The following NYAP2 variants were observed in gnomAD, a reference collection of about 807,000 sequenced individuals.
The protein encoded by NYAP2 is neuronal tyrosine-phosphorylated phosphoinositide-3-kinase adapter 2.
Under a neutral mutation model 50.4 loss-of-function variants are expected in NYAP2, and 23 were observed. The observed-to-expected ratio is 0.46, with a 90% confidence interval of 0.33 to 0.65. The LOEUF is 0.65. Among genes scored for constraint, NYAP2 ranks in the 30% least tolerant of loss-of-function variants. The pLI is 0.02. For missense variants in NYAP2, 885 were observed against 861.0 expected, an observed-to-expected ratio of 1.03 and a Z score of -0.35; for synonymous variants, 394 against 365.2, an observed-to-expected ratio of 1.08 and a Z score of -0.90.
chr2:225,544,543 T>C (rs190562507), intron 4 of NYAP2, among the ~76,000 whole-genome samples: 56 of 152,158 alleles, frequency 3.7e-4, no homozygotes, highest in African/African-American at 1.3e-3. Context: ...AAAGAAAACT[T>C]TCTGAAAAAG....
the NYAP2 span, among the ~76,000 whole-genome samples, chr2:225,670,437 T>G: frequency 6.6e-6 from 1 of 152,048 alleles, no homozygotes; most frequent in East Asian, 1.9e-4. Flanking sequence ...AAGGAAAGGA[T>G]TACTAAATGA....
intron 5 of NYAP2, among the ~76,000 whole-genome samples, chr2:225,612,189 T>C (rs1443013850): frequency 6.7e-6 from 1 of 150,150 alleles, no homozygotes; most frequent in African/African-American, 2.5e-5. Context: ...AGATGAGTTG[T>C]GTATAAGATG....
chr2:225,461,598 T>C (rs1450048198), intron 3 of NYAP2, among the ~76,000 whole-genome samples: 1 of 152,236 alleles, frequency 6.6e-6, no homozygotes, highest in Non-Finnish European at 1.5e-5. Context: ...TGTCCTACTT[T>C]TTGCTTCATA....
intron 5 of NYAP2, among the ~76,000 whole-genome samples, chr2:225,621,216 T>A (rs1199947197): frequency 6.6e-6 from 1 of 152,200 alleles, no homozygotes; most frequent in Non-Finnish European, 1.5e-5. Flanking sequence ...ACACTTTCTT[T>A]GAAGCTGTGA....
the NYAP2 span, among the ~76,000 whole-genome samples, chr2:225,677,205 CTAAGCTA>C: frequency 6.6e-6 from 1 of 151,704 alleles, no homozygotes; most frequent in Non-Finnish European, 1.5e-5. Flanking sequence ...TGACTTGGTT[CTAAGCTA>C]GAATATTATT....
At chr2:225,674,511 A>G in the NYAP2 span, among the ~76,000 whole-genome samples, 1 of 152,022 alleles carries the variant, frequency 6.6e-6, no homozygotes, top group Non-Finnish European at 1.5e-5. Context: ...TGAGGGGCAG[A>G]AGTGTGTTAA....
the NYAP2 span, among the ~76,000 whole-genome samples, chr2:225,665,461 T>C: frequency 6.6e-6 from 1 of 151,886 alleles, no homozygotes; most frequent in Non-Finnish European, 1.5e-5. Context: ...GTCTTCTCAA[T>C]AGGAGTCACA....
chr2:225,546,557 C>A (rs1485429941), intron 4 of NYAP2, among the ~76,000 whole-genome samples: 2 of 152,054 alleles, frequency 1.3e-5, no homozygotes, highest in African/African-American at 4.8e-5. Flanking sequence ...GTGAATGTTG[C>A]TAGGCCTTGG....
chr2:225,482,193 T>C (rs1690217794), intron 3 of NYAP2, among the ~76,000 whole-genome samples: 1 of 152,190 alleles, frequency 6.6e-6, no homozygotes, highest in South Asian at 2.1e-4. Context: ...CCTGCGATTT[T>C]ACAGAAAGCT....
At chr2:225,620,842 G>A (rs940780010) in intron 5 of NYAP2, among the ~76,000 whole-genome samples, 7 of 152,074 alleles carry the variant, frequency 4.6e-5, no homozygotes, top group Admixed American at 3.3e-4. Context: ...AGGGCCAGGC[G>A]CGGTGGCTCA....
At chr2:225,412,871 G>T (rs1424359128) in intron 3 of NYAP2, among the ~76,000 whole-genome samples, 2 of 152,096 alleles carry the variant, frequency 1.3e-5, no homozygotes. Context: ...GACACACTCA[G>T]ACCTCACCTC....
At chr2:225,580,458 C>T (rs1048922465) in intron 4 of NYAP2, among the ~76,000 whole-genome samples, 1 of 152,164 alleles carries the variant, frequency 6.6e-6, no homozygotes, top group East Asian at 1.9e-4. Flanking sequence ...ACAGCCTCCC[C>T]CTGGAAAATA....
intron 3 of NYAP2, among the ~76,000 whole-genome samples, chr2:225,445,278 T>A (rs1021490033): frequency 6.6e-6 from 1 of 152,152 alleles, no homozygotes; most frequent in Non-Finnish European, 1.5e-5. Context: ...CTAAAGTACA[T>A]AAAATTATGT....
At chr2:225,557,473 G>C (rs948926975) in intron 4 of NYAP2, among the ~76,000 whole-genome samples, 5 of 152,140 alleles carry the variant, frequency 3.3e-5, no homozygotes, top group African/African-American at 1.2e-4. Flanking sequence ...TACCAAGCAA[G>C]AATGGAGCTT....
At chr2:225,600,317 C>A (rs1692672264) in intron 5 of NYAP2, among the ~76,000 whole-genome samples, 1 of 152,112 alleles carries the variant, frequency 6.6e-6, no homozygotes. Flanking sequence ...CAAAATATCT[C>A]AAGAAATGAT....
chr2:225,642,754 G>C (rs909496925), intron 6 of NYAP2, among the ~76,000 whole-genome samples: 2 of 152,252 alleles, frequency 1.3e-5, no homozygotes, highest in South Asian at 4.1e-4. Flanking sequence ...GATAACTGGT[G>C]ATACTGTTCT....
At chr2:225,449,604 T>TCTC (rs1485900403) in intron 3 of NYAP2, among the ~76,000 whole-genome samples, 1 of 108,708 alleles carries the variant, frequency 9.2e-6, no homozygotes, top group Non-Finnish European at 1.7e-5. Context: ...TCTTTCTCTT[T>TCTC]TTTTTTTTTT....
At chr2:225,471,587 A>G (rs1690012825) in intron 3 of NYAP2, among the ~76,000 whole-genome samples, 1 of 152,202 alleles carries the variant, frequency 6.6e-6, no homozygotes, top group African/African-American at 2.4e-5. Context: ...TACCCTATCC[A>G]AACACCTGCA....
At chr2:225,536,841 T>G (rs540188666) in intron 4 of NYAP2, among the ~76,000 whole-genome samples, 42 of 151,716 alleles carry the variant, frequency 2.8e-4, no homozygotes, top group Middle Eastern at 6.8e-3. Flanking sequence ...TGCAGTGGTG[T>G]GATCTCGTCT....
Sources: gnomAD v4.1 joint callset for allele counts (sites outside exome capture counted in the v4.1 genomes callset) on GRCh38, gnomAD v4.1.1 for gene constraint, MANE v1.5 for transcripts, NCBI Gene and HGNC (gene_info 2026-07-23, HGNC 2026-07-21) for gene names.